CNTN6: variants seen among roughly 807,000 people sequenced by gnomAD.
CNTN6 encodes contactin-6.
In CNTN6, 137 loss-of-function variants were observed where a neutral mutation model predicts 122.8. That is an observed-to-expected ratio of 1.12 (90% CI 0.97 to 1.29). The LOEUF is 1.29. Ranked by LOEUF, CNTN6 falls within the 50% of genes most tolerant of loss-of-function variation. The probability of loss-of-function intolerance (pLI) is 0.00; values close to 1 mark genes in which losing one functional copy is unlikely to be tolerated. For missense variants in CNTN6, 1,634 were observed against 1,223.4 expected, an observed-to-expected ratio of 1.34 and a Z score of -5.01; for synonymous variants, 570 against 426.0, an observed-to-expected ratio of 1.34 and a Z score of -4.16.
At chr3:1,384,873 A>G (rs1457828244) in intron 19 of CNTN6, among the ~76,000 whole-genome samples, 1 of 150,448 alleles carries the variant, frequency 6.6e-6, no homozygotes, top group African/African-American at 2.4e-5. Context: ...TACTCTCAGG[A>G]CAGGTGTCTT....
Position 1,184,980 on chromosome 3 carries a change from C to T in CNTN6, c.56-35707C>T, listed in dbSNP as rs137868934. 3.5e-3 allele frequency among the ~76,000 whole-genome samples: 529 copies of T among 152,148 alleles called. 2 individuals carry two copies. Among genetic ancestry groups the T allele is most frequent in the African/African-American group, 0.012 (493 of 41,526 alleles). ...ACAAGCTGTACTCATTCTAGCATTA[C>T]GTTAATGTACACTTGGTAGGCATTA... On this transcript the variant is annotated intron_variant, in intron 2 of 22. Coordinates refer to ENST00000446702, the MANE Select transcript of CNTN6 (RefSeq NM_001289080.2).
chr3:1,185,012 T>C (rs1559474552), intron 2 of CNTN6, among the ~76,000 whole-genome samples: 1 of 152,154 alleles, frequency 6.6e-6, no homozygotes, highest in Non-Finnish European at 1.5e-5. Flanking sequence ...ATTAGAGGAA[T>C]AAACAGTTCT....
In CNTN6 at chr3:1,107,052, C is replaced by T. The variant is rs140649637; in HGVS notation, c.-83+13932C>T. ...AGGGTCTCAATGGATTACATGATAC[C>T]TACATTGGAAATGGTAATCTACTTT... On this transcript the variant is annotated intron_variant, in intron 1 of 22. Coordinates refer to ENST00000446702, the MANE Select transcript of CNTN6 (RefSeq NM_001289080.2). Among the ~76,000 whole-genome samples the T allele has an allele frequency of 6.2e-3, 940 of 152,088 alleles. 6 individuals carry two copies. The highest frequency in any genetic ancestry group is 0.01 in the Non-Finnish European group (700 of 67,950).
intron 5 of CNTN6, among the ~76,000 whole-genome samples, chr3:1,282,981 C>T (rs1442453731): frequency 6.6e-6 from 1 of 151,190 alleles, no homozygotes; most frequent in Non-Finnish European, 1.5e-5. Flanking sequence ...ACACAAAACT[C>T]TTTTTTTTTG....
intron 1 of CNTN6, among the ~76,000 whole-genome samples, chr3:1,129,222 C>T (rs1329744198): frequency 6.6e-6 from 1 of 152,014 alleles, no homozygotes; most frequent in African/African-American, 2.4e-5. Flanking sequence ...ACAGTATGAT[C>T]ACCAAAAACT....
In CNTN6 at chr3:1,220,745, T is replaced by G. The variant is rs369445121; in HGVS notation, c.114T>G (p.Pro38=). 1 of 1,613,406 alleles carries G rather than the reference T, an allele frequency of 6.2e-7. No individual in the cohort carries two copies. The highest frequency in any genetic ancestry group is 8.5e-7 in the Non-Finnish European group (1 of 1,179,670). ...AGGAGCCACATGATGTCATTTTTCC[T>G]TTGGATTTATCAAAATCTGAGGTCA... ...FTQEPHDVIF[P]LDLSKSEVIL... Residue 38 remains proline (P), a synonymous_variant, in exon 3 of 23, where the codon CCT becomes CCG. Coordinates refer to ENST00000446702, the MANE Select transcript of CNTN6 (RefSeq NM_001289080.2).
At chr3:1,166,644 A>G (rs1338898631) in intron 2 of CNTN6, among the ~76,000 whole-genome samples, 8 of 152,198 alleles carry the variant, frequency 5.3e-5, no homozygotes. Context: ...GATTAAGGAC[A>G]CAGGCTCCGC....
intron 1 of CNTN6, among the ~76,000 whole-genome samples, chr3:1,116,186 AAGG>A (rs1208947863): frequency 6.6e-6 from 1 of 152,174 alleles, no homozygotes; most frequent in African/African-American, 2.4e-5. Flanking sequence ...GAGAGTCAAC[AAGG>A]AGAAGGATTA....
At chr3:1,252,111 T>G (rs1235742273) in intron 4 of CNTN6, among the ~76,000 whole-genome samples, 2 of 152,222 alleles carry the variant, frequency 1.3e-5, no homozygotes, top group African/African-American at 4.8e-5. Flanking sequence ...TACAAAGTCC[T>G]GAAGGTTTTG....
chr3:1,189,109 C>T (rs1160593686), intron 2 of CNTN6, among the ~76,000 whole-genome samples: 3 of 152,182 alleles, frequency 2.0e-5, no homozygotes, highest in Non-Finnish European at 4.4e-5. Context: ...CATCTAGCTA[C>T]AAAGTGTAGC....
At position 1,323,834 on chromosome 3, in the gene CNTN6, AT is replaced by A. The variant is rs1195869183; in HGVS notation, c.947-1978del. On this transcript the variant is annotated intron_variant, in intron 8 of 22. Transcript: ENST00000446702. ...CCATGAATTTCCTACCTAGTTTTAA[AT>A]TTAAAACTTTGCTCTCCAGAATTTT... 1.4e-4 allele frequency among the ~76,000 whole-genome samples: 22 copies of A among 151,896 alleles called. No homozygotes were observed. In the East Asian group the frequency reaches 2.5e-3, roughly 18 times the overall value.
chr3:1,363,368 A>G (rs1041809773), intron 12 of CNTN6, among the ~76,000 whole-genome samples: 1 of 151,934 alleles, frequency 6.6e-6, no homozygotes, highest in Admixed American at 6.6e-5. Flanking sequence ...CTCTAGACTT[A>G]TTTGTTCTAC....
chr3:1,201,099 T>TTGTGTGTGTGTGTGTGTGTGTG (rs57028088), intron 2 of CNTN6, among the ~76,000 whole-genome samples: 2 of 130,020 alleles, frequency 1.5e-5, no homozygotes, highest in South Asian at 2.6e-4. Flanking sequence ...AGCTAACATT[T>TTGTGTGTGTGTGTGTGTGTGTG]TGTGTGTGTG....
intron 1 of CNTN6, among the ~76,000 whole-genome samples, chr3:1,109,098 G>C (rs2091357961): frequency 6.6e-6 from 1 of 151,978 alleles, no homozygotes; most frequent in Non-Finnish European, 1.5e-5. Context: ...AAGAATAACA[G>C]ACATATAAAT....
At chr3:1,361,641 A>G (rs1424795290) in intron 12 of CNTN6, among the ~76,000 whole-genome samples, 3 of 152,138 alleles carry the variant, frequency 2.0e-5, no homozygotes, top group Non-Finnish European at 4.4e-5. Flanking sequence ...CAATACACTT[A>G]ATCTATTATG....
At chr3:1,119,837 A>T (rs2091885003) in intron 1 of CNTN6, among the ~76,000 whole-genome samples, 1 of 152,096 alleles carries the variant, frequency 6.6e-6, no homozygotes, top group Admixed American at 6.6e-5. Flanking sequence ...ATCAAAATAC[A>T]GAATACTTAT....
rs139009770 is a variant in CNTN6 at position 1,327,133 on chromosome 3, G to A, written c.1084-324G>A. Among the ~76,000 whole-genome samples, 14 of 151,944 alleles carry A rather than the reference G, an allele frequency of 9.2e-5. No individual in the cohort carries two copies. The East Asian group carries it at 1.8e-3, about 19-fold the overall frequency. ...TACATGTCTAACATTATTGTTAACCGTGTTTTCCTGGAATAATTAGGACGG... is the reference window on the plus strand; with the variant it reads ...TACATGTCTAACATTATTGTTAACCATGTTTTCCTGGAATAATTAGGACGG... On this transcript the variant is annotated intron_variant, in intron 9 of 22. Coordinates refer to ENST00000446702, the MANE Select transcript of CNTN6 (RefSeq NM_001289080.2).
In CNTN6 at chr3:1,327,427, A is replaced by T. The variant is rs760409756; in HGVS notation, c.1084-30A>T. The T allele has an allele frequency of 2.5e-6, 4 of 1,602,284 alleles. No individual in the cohort carries two copies. The South Asian group carries it at 4.4e-5, about 18-fold the overall frequency. ...TAAGAGAATGCTATATTAACGTACA[A>T]GCATCTTTATATGCCTTTTCCTTTA... On this transcript the variant is annotated intron_variant, in intron 9 of 22. Coordinates refer to ENST00000446702, the MANE Select transcript of CNTN6 (RefSeq NM_001289080.2).
intron 11 of CNTN6, among the ~76,000 whole-genome samples, chr3:1,333,780 A>G (rs1171449696): frequency 2.0e-5 from 3 of 152,112 alleles, no homozygotes; most frequent in Non-Finnish European, 4.4e-5. Context: ...AATTTCTTCT[A>G]GTCTTACATG....
Sources: gnomAD v4.1 joint callset for allele counts (sites outside exome capture counted in the v4.1 genomes callset) on GRCh38, gnomAD v4.1.1 for gene constraint, MANE v1.5 for transcripts, NCBI Gene and HGNC (gene_info 2026-07-23, HGNC 2026-07-21) for gene names.